The following RBPMS2 variants were observed in gnomAD, a reference collection of about 807,000 sequenced individuals.
RBPMS2 encodes the protein RNA-binding protein with multiple splicing 2.
In RBPMS2, 14 loss-of-function variants were observed where a neutral mutation model predicts 25.7. The observed-to-expected ratio is 0.55, with a 90% confidence interval of 0.36 to 0.85. The LOEUF is 0.85. Ranked by LOEUF, RBPMS2 falls within the 40% of genes least tolerant of loss-of-function variation. The pLI is 0.01. For synonymous variants in RBPMS2, 127 were observed against 115.6 expected (o/e 1.10, Z -0.63); for missense variants, 252 against 283.4 (o/e 0.89, Z 0.80).
At position 64,745,494 on chromosome 15, in the gene RBPMS2, G is replaced by A. The variant is rs116589430; in HGVS notation, c.567+2925C>T. Among the ~76,000 whole-genome samples, 1,298 of 152,268 alleles carry A rather than the reference G, an allele frequency of 8.5e-3. 19 individuals carry two copies. The highest frequency in any genetic ancestry group is 0.024 in the Middle Eastern group (7 of 294). Reference sequence around the variant, plus strand: ...AGTTTATGTAACCTTAAGGTCACTGGTAAATGGGTGAACCAGTTTAAGGGG... The same window carrying A: ...AGTTTATGTAACCTTAAGGTCACTGATAAATGGGTGAACCAGTTTAAGGGG... On this transcript the variant is annotated intron_variant, in intron 6 of 7. Transcript: ENST00000300069.
chr15:64,772,935 A>T (rs1330115752), intron 1 of RBPMS2, among the ~76,000 whole-genome samples: 3 of 152,200 alleles, frequency 2.0e-5, no homozygotes, highest in Non-Finnish European at 4.4e-5. Flanking sequence ...TCAAGCAGGC[A>T]GAGTCAAGGC....
intron 1 of RBPMS2, among the ~76,000 whole-genome samples, chr15:64,751,958 C>CT (rs773385963): frequency 4.4e-4 from 63 of 144,036 alleles, no homozygotes; most frequent in East Asian, 1.6e-3. Flanking sequence ...CCCAGCATGC[C>CT]TTTTTTTTTT....
chr15:64,752,389 A>G (rs576438846), intron 1 of RBPMS2, among the ~76,000 whole-genome samples: 1 of 152,098 alleles, frequency 6.6e-6, no homozygotes, highest in Non-Finnish European at 1.5e-5. Context: ...AGTGATTTCA[A>G]CAGAGGGCCC....
At chr15:64,765,449 T>G (rs1056880228) in intron 1 of RBPMS2, among the ~76,000 whole-genome samples, 2 of 148,142 alleles carry the variant, frequency 1.4e-5, no homozygotes, top group African/African-American at 5.0e-5. Context: ...CATGGTGGCA[T>G]GCACCAGTGG....
intron 6 of RBPMS2, among the ~76,000 whole-genome samples, chr15:64,745,207 T>C (rs980561076): frequency 6.6e-6 from 1 of 152,180 alleles, no homozygotes; most frequent in African/African-American, 2.4e-5. Context: ...CCAAACTACC[T>C]ATCGAACTGA....
intron 3 of RBPMS2, among the ~76,000 whole-genome samples, 161 bp downstream of exon 3, chr15:64,750,182 C>G (rs1284422049): frequency 1.3e-5 from 2 of 152,120 alleles, no homozygotes; most frequent in Admixed American, 6.6e-5. Flanking sequence ...AGTGAAGAGA[C>G]AGTGGGACCT....
intron 6 of RBPMS2, among the ~76,000 whole-genome samples, chr15:64,742,455 C>T (rs1236819388): frequency 6.6e-6 from 1 of 152,226 alleles, no homozygotes; most frequent in African/African-American, 2.4e-5. Context: ...GAGCAGTAGC[C>T]CCAAAGCTGG....
chr15:64,760,771 C>T (rs2083776603), intron 1 of RBPMS2, among the ~76,000 whole-genome samples: 1 of 151,636 alleles, frequency 6.6e-6, no homozygotes, highest in Non-Finnish European at 1.5e-5. Context: ...CATTGCACTC[C>T]AGCTTGGGCA....
Position 64,740,925 on chromosome 15 carries a change from C to A in RBPMS2, c.*83G>T. 2.2e-6 allele frequency: 1 copy of A among 447,264 alleles called. No individual in the cohort carries two copies. Among genetic ancestry groups the A allele is most frequent in the Non-Finnish European group, 4.1e-6 (1 of 243,510 alleles). The allele number at this position is 447,264 out of a possible 1,614,324, so 27.7% of individuals were successfully genotyped here. A position where few individuals can be genotyped will look rare whatever the true frequency, so the allele number is the denominator to read the frequency against. On this transcript the variant is annotated 3_prime_UTR_variant, in exon 8 of 8. Coordinates refer to ENST00000300069, the MANE Select transcript of RBPMS2 (RefSeq NM_194272.3). The stretch of plus-strand genomic sequence containing the variant: ...GGGCAGCAGCTCTGTGCAGGCCGCC[C>A]GGGGGCAGTGGGAACTCGGGGCGCC...
chr15:64,762,407 C>A (rs532916171), intron 1 of RBPMS2: 1 of 534,696 alleles, frequency 1.9e-6, no homozygotes, highest in Admixed American at 1.9e-5. Context: ...GACCACAGAG[C>A]ACACGAGCTG....
chr15:64,750,956 T>G (rs1048620760), intron 2 of RBPMS2, among the ~76,000 whole-genome samples: 5 of 152,102 alleles, frequency 3.3e-5, no homozygotes, highest in Non-Finnish European at 7.4e-5. Context: ...GAGAATCGCC[T>G]GAACCCAGGA....
chr15:64,741,150 G>C (rs1317358397), intron 7 of RBPMS2, 23 bp downstream of exon 7: 1 of 1,538,186 alleles, frequency 6.5e-7, no homozygotes, highest in Admixed American at 1.9e-5. Context: ...CACTTGTCCT[G>C]GGCCTCTGGG....
intron 5 of RBPMS2, 79 bp downstream of exon 5, chr15:64,748,921 G>C: frequency 3.3e-6 from 5 of 1,514,484 alleles, no homozygotes; most frequent in Middle Eastern, 1.8e-4. Flanking sequence ...CCTGGAAAAG[G>C]GGCTTCCCTC....
chr15:64,763,454 C>A (rs939519514), intron 1 of RBPMS2, among the ~76,000 whole-genome samples: 32 of 152,290 alleles, frequency 2.1e-4, no homozygotes, highest in African/African-American at 7.7e-4. Flanking sequence ...ACCACAGCCT[C>A]ACCTAGTAAG....
At position 64,741,192 on chromosome 15, in the gene RBPMS2, A is replaced by G; in HGVS notation, c.618T>C (p.Arg206=). The change falls in exon 7 of 8, where the codon CGT becomes CGC. Residue 206 remains arginine (R), a synonymous_variant. Transcript: ENST00000300069. The stretch of plus-strand genomic sequence containing the variant: ...ACTTACTGAAAAACTAACAGAACTG[A>G]CGGTACTTCCATCCTTGCTGGGTGG... ...SDTTQQGWKY[R]QFC 1 of 1,586,458 alleles carries G rather than the reference A, an allele frequency of 6.3e-7. No homozygotes were observed. Among genetic ancestry groups the G allele is most frequent in the Non-Finnish European group, 8.6e-7 (1 of 1,166,166 alleles).
Position 64,741,172 on chromosome 15 carries a change from C to T in RBPMS2, c.*7+1G>A. 6.4e-7 allele frequency: 1 copy of T among 1,572,744 alleles called. No individual in the cohort carries two copies. The highest frequency in any genetic ancestry group is 8.6e-7 in the Non-Finnish European group (1 of 1,158,410). The stretch of plus-strand genomic sequence containing the variant: ...CCTGGGCCTCTGGGGCCAACACTTA[C>T]TGAAAAACTAACAGAACTGACGGTA... On this transcript the variant is annotated splice_donor_variant, in intron 7 of 7. Transcript: ENST00000300069. LOFTEE classifies it low-confidence loss of function (3UTR_SPLICE).
rs534710488 is a variant in RBPMS2 at position 64,775,554 on chromosome 15, C to G, written c.-235G>C. ...GGGAGGCAGTGGGAGCCGGAGGGGC[C>G]GCCGCCTCCGCCTTTTCACTGCGAC... On this transcript the variant is annotated 5_prime_UTR_variant, in exon 1 of 8. Coordinates refer to ENST00000300069, the MANE Select transcript of RBPMS2 (RefSeq NM_194272.3). The G allele has an allele frequency of 4.8e-6, 1 of 206,398 alleles. No homozygotes were observed. Among genetic ancestry groups the G allele is most frequent in the Non-Finnish European group, 9.3e-6 (1 of 107,128 alleles). 12.8% of individuals were successfully genotyped at this position (206,398 alleles called of 1,614,324 possible). A position where few individuals can be genotyped will look rare whatever the true frequency, so the allele number is the denominator to read the frequency against.
rs1387448640 is a variant in RBPMS2 at position 64,750,358 on chromosome 15, C to T, written c.189G>A (p.Lys63=). Residue 63 remains lysine (K), a synonymous_variant, in exon 3 of 8, where the codon AAG becomes AAA. Transcript: ENST00000300069. ...PFKGYEGSLI[K]LTARQPVGFV... is the part of the protein sequence containing the mutation. Reference sequence around the variant, plus strand: ...GAGAAATTACCTGTCTTGCAGTGAGCTTGATCAGGGACCCTTCATACCCCT... The same window carrying T: ...GAGAAATTACCTGTCTTGCAGTGAGTTTGATCAGGGACCCTTCATACCCCT... The T allele has an allele frequency of 6.2e-7, 1 of 1,613,860 alleles. No individual in the cohort carries two copies. The highest frequency in any genetic ancestry group is 8.5e-7 in the Non-Finnish European group (1 of 1,179,840).
chr15:64,768,379 C>T (rs1250828486), intron 1 of RBPMS2, among the ~76,000 whole-genome samples: 2 of 152,010 alleles, frequency 1.3e-5, no homozygotes, highest in East Asian at 1.9e-4. Flanking sequence ...GTGACTCAAA[C>T]CTATAACCCA....
Sources: gnomAD v4.1 joint callset for allele counts (sites outside exome capture counted in the v4.1 genomes callset) on GRCh38, gnomAD v4.1.1 for gene constraint, MANE v1.5 for transcripts, NCBI Gene and HGNC (gene_info 2026-07-23, HGNC 2026-07-21) for gene names.